The following SMOC1 variants were observed in gnomAD, a reference collection of about 807,000 sequenced individuals.
SMOC1 encodes the protein SPARC related modular calcium binding 1.
In SMOC1, 22 loss-of-function variants were observed where a neutral mutation model predicts 56.3. The ratio of observed to expected loss-of-function variants is 0.39; its 90% CI spans 0.28 to 0.56. The LOEUF (loss-of-function observed/expected upper bound fraction) is 0.56. Among genes scored for constraint, SMOC1 ranks in the 20% least tolerant of loss-of-function variants. SMOC1 has a pLI of 0.61. For missense variants in SMOC1, 509 were observed against 565.4 expected, an observed-to-expected ratio of 0.90 and a Z score of 1.01; for synonymous variants, 193 against 215.0, an observed-to-expected ratio of 0.90 and a Z score of 0.89.
chr14:69,970,672 T>C (rs886627531), intron 3 of SMOC1, among the ~76,000 whole-genome samples: 3 of 152,188 alleles, frequency 2.0e-5, no homozygotes, highest in Non-Finnish European at 4.4e-5. Flanking sequence ...TCTATATGTG[T>C]TGTTCATCTG....
At chr14:69,974,749 A>G (rs1883892374) in intron 3 of SMOC1, among the ~76,000 whole-genome samples, 1 of 152,162 alleles carries the variant, frequency 6.6e-6, no homozygotes, top group African/African-American at 2.4e-5. Flanking sequence ...AAAAAGCCTC[A>G]TTCCTTTTTG....
At position 70,013,566 on chromosome 14, in the gene SMOC1, G is replaced by A; in HGVS notation, c.1046+75G>A. Reference sequence around the variant, plus strand: ...GACTTTTCAAATGCTGAGGGAGGGTGAGAGAGTGGGCAGGGTTTGAGGAGG... The same window carrying A: ...GACTTTTCAAATGCTGAGGGAGGGTAAGAGAGTGGGCAGGGTTTGAGGAGG... On this transcript the variant is annotated intron_variant, in intron 10 of 11. Coordinates refer to ENST00000361956, the MANE Select transcript of SMOC1 (RefSeq NM_001034852.3). The A allele has an allele frequency of 7.3e-6, 9 of 1,231,222 alleles. No individual in the cohort carries two copies. In the Admixed American group the frequency reaches 1.5e-4, roughly 21 times the overall value. The allele number at this position is 1,231,222 out of a possible 1,614,324, so 76.3% of individuals were successfully genotyped here.
At chr14:69,973,287 C>T (rs753008639) in intron 3 of SMOC1, among the ~76,000 whole-genome samples, 15 of 152,214 alleles carry the variant, frequency 9.9e-5, no homozygotes, top group Non-Finnish European at 1.3e-4. Context: ...TTCTCACCAC[C>T]GCCACTCCAT....
At chr14:69,955,606 T>C (rs965048471) in intron 3 of SMOC1, among the ~76,000 whole-genome samples, 9 of 152,162 alleles carry the variant, frequency 5.9e-5, no homozygotes, top group Admixed American at 3.3e-4. Context: ...ATTTTTGTCA[T>C]TATCATCATG....
intron 1 of SMOC1, among the ~76,000 whole-genome samples, chr14:69,912,497 C>T (rs975839796): frequency 1.2e-4 from 19 of 152,174 alleles, no homozygotes; most frequent in Middle Eastern, 3.2e-3. Context: ...TGCAGTCCTC[C>T]CGTGTTCAGC....
At chr14:69,996,689 T>C (rs910914327) in intron 7 of SMOC1, among the ~76,000 whole-genome samples, 2 of 152,204 alleles carry the variant, frequency 1.3e-5, no homozygotes, top group African/African-American at 2.4e-5. Flanking sequence ...GTAAGGTTCG[T>C]GTATATGACA....
intron 1 of SMOC1, among the ~76,000 whole-genome samples, chr14:69,880,718 T>G (rs1883614803): frequency 6.6e-6 from 1 of 152,224 alleles, no homozygotes; most frequent in African/African-American, 2.4e-5. Context: ...GACTCTTAAC[T>G]GGCAGCCTGA....
At chr14:69,894,379 T>G (rs549864941) in intron 1 of SMOC1, among the ~76,000 whole-genome samples, 1 of 152,324 alleles carries the variant, frequency 6.6e-6, no homozygotes, top group East Asian at 1.9e-4. Context: ...CTAGATGGTC[T>G]CAGGAAACTT....
At chr14:69,920,619 C>T (rs903425415) in intron 1 of SMOC1, among the ~76,000 whole-genome samples, 3 of 152,206 alleles carry the variant, frequency 2.0e-5, no homozygotes, top group Non-Finnish European at 2.9e-5. Context: ...AAGGATACAA[C>T]GACAACTGCA....
intron 8 of SMOC1, 145 bp from the exon 9 acceptor site, chr14:70,011,340 C>A: frequency 1.3e-6 from 1 of 753,458 alleles, no homozygotes; most frequent in Non-Finnish European, 2.3e-6. Flanking sequence ...TGCCTTGTAG[C>A]TGCCGGGCAG....
At position 70,023,460 on chromosome 14, in the gene SMOC1, C is replaced by T. The variant is rs569017043; in HGVS notation, c.1291+13C>T. The stretch of plus-strand genomic sequence containing the variant: ...GTTAGCAAAGAAGGTGAGTGCTCTC[C>T]CCTGTGCTCCTGGCCTTTCAATACT... On this transcript the variant is annotated intron_variant, in intron 11 of 11. Transcript: ENST00000361956. 2.5e-6 allele frequency: 4 copies of T among 1,613,686 alleles called. No homozygotes were observed. The highest frequency in any genetic ancestry group is 3.4e-6 in the Non-Finnish European group (4 of 1,180,014).
At chr14:69,928,533 C>T (rs897398713) in intron 1 of SMOC1, among the ~76,000 whole-genome samples, 6 of 152,098 alleles carry the variant, frequency 3.9e-5, no homozygotes, top group African/African-American at 1.2e-4. Flanking sequence ...AGCGAGGTTC[C>T]AGCTCTGGAT....
At chr14:69,978,614 A>T (rs1175635522) in intron 5 of SMOC1, among the ~76,000 whole-genome samples, 2 of 152,238 alleles carry the variant, frequency 1.3e-5, no homozygotes, top group South Asian at 2.1e-4. Context: ...TGTGGCTTCC[A>T]TAGCATGCTT....
chr14:69,987,278 G>A (rs569909231), intron 5 of SMOC1, among the ~76,000 whole-genome samples: 1 of 152,236 alleles, frequency 6.6e-6, no homozygotes, highest in Non-Finnish European at 1.5e-5. Flanking sequence ...TGATGGACAT[G>A]GTTTGGGGAG....
At chr14:69,883,509 T>C (rs1883703757) in intron 1 of SMOC1, among the ~76,000 whole-genome samples, 1 of 152,228 alleles carries the variant, frequency 6.6e-6, no homozygotes, top group Admixed American at 6.5e-5. Context: ...ATACCATATT[T>C]TCTCTATCCA....
At chr14:69,992,534 T>G in intron 6 of SMOC1, 61 bp downstream of exon 6, 1 of 1,256,548 alleles carries the variant, frequency 8.0e-7, no homozygotes, top group Non-Finnish European at 1.2e-6. Context: ...TTGGGAAAAG[T>G]CTTAACGTTG....
At chr14:69,909,387 G>A (rs1280048614) in intron 1 of SMOC1, among the ~76,000 whole-genome samples, 1 of 152,048 alleles carries the variant, frequency 6.6e-6, no homozygotes, top group Admixed American at 6.5e-5. Context: ...ATTTTTTGTG[G>A]TAGACTTCTC....
chr14:69,971,555 A>G (rs1312479235), intron 3 of SMOC1, among the ~76,000 whole-genome samples: 2 of 152,190 alleles, frequency 1.3e-5, no homozygotes, highest in Admixed American at 6.5e-5. Flanking sequence ...GAAATAGCCA[A>G]TTGCCTCATG....
At chr14:70,027,980 C>T (rs927055506) in intron 11 of SMOC1, among the ~76,000 whole-genome samples, 13 of 152,178 alleles carry the variant, frequency 8.5e-5, no homozygotes, top group Admixed American at 1.3e-4. Context: ...TCATCCATCC[C>T]GTGTCGTGCG....
Sources: allele counts gnomAD v4.1 joint callset (sites outside exome capture counted in the v4.1 genomes callset), GRCh38; gene constraint gnomAD v4.1.1; transcripts MANE v1.5; gene names NCBI Gene and HGNC (gene_info 2026-07-23, HGNC 2026-07-21).